The following EFNA5 variants were observed in gnomAD, a reference collection of about 807,000 sequenced individuals.
EFNA5 encodes ephrin A5.
A neutral mutation model predicts 22.9 loss-of-function variants in EFNA5; 5 were observed. The observed-to-expected ratio is 0.22, with a 90% CI of 0.11 to 0.46. EFNA5 has a LOEUF of 0.46. EFNA5 is among the 20% of genes least tolerant of loss of function. The pLI is 0.99. For synonymous variants in EFNA5, 113 were observed against 112.2 expected (o/e 1.01, Z -0.04); for missense variants, 237 against 293.3 (o/e 0.81, Z 1.40).
At chr5:107,389,869 C>G (rs959337146) in intron 2 of EFNA5, among the ~76,000 whole-genome samples, 1 of 152,208 alleles carries the variant, frequency 6.6e-6, no homozygotes, top group African/African-American at 2.4e-5. Context: ...CCTCTCTTCC[C>G]TAACAACCTG....
At chr5:107,387,643 C>A (rs1317522482) in intron 3 of EFNA5, 63 bp downstream of exon 3, 2 of 1,244,524 alleles carry the variant, frequency 1.6e-6, no homozygotes, top group African/African-American at 3.0e-5. Context: ...CGCCGTGAAC[C>A]AGACCACACA....
At chr5:107,501,768 C>T (rs1747142239) in intron 1 of EFNA5, among the ~76,000 whole-genome samples, 2 of 152,102 alleles carry the variant, frequency 1.3e-5, no homozygotes, top group Non-Finnish European at 2.9e-5. Context: ...CCTGAATTAA[C>T]GAATGCTGAT....
chr5:107,417,382 T>C (rs1748529714), intron 2 of EFNA5, among the ~76,000 whole-genome samples: 1 of 152,128 alleles, frequency 6.6e-6, no homozygotes, highest in Non-Finnish European at 1.5e-5. Flanking sequence ...ATACATAGCA[T>C]ACATATTAAA....
chr5:107,425,003 T>TA (rs1439454693), intron 2 of EFNA5, among the ~76,000 whole-genome samples: 1 of 152,102 alleles, frequency 6.6e-6, no homozygotes, highest in Non-Finnish European at 1.5e-5. Flanking sequence ...TACCTTTCAT[T>TA]AAAAAAAGTA....
intron 2 of EFNA5, among the ~76,000 whole-genome samples, chr5:107,401,784 T>G (rs908449142): frequency 3.9e-5 from 6 of 152,212 alleles, no homozygotes; most frequent in African/African-American, 1.4e-4. Flanking sequence ...GCCAAGCCAC[T>G]GGGTTCAGAT....
intron 2 of EFNA5, among the ~76,000 whole-genome samples, chr5:107,424,756 T>C (rs373993252): frequency 6.6e-6 from 1 of 152,152 alleles, no homozygotes; most frequent in East Asian, 1.9e-4. Flanking sequence ...AATTCTCCCC[T>C]AAGAATCCTT....
At chr5:107,418,381 T>C (rs1216533138) in intron 2 of EFNA5, among the ~76,000 whole-genome samples, 2 of 152,244 alleles carry the variant, frequency 1.3e-5, no homozygotes, top group African/African-American at 4.8e-5. Context: ...TGAGAATTAC[T>C]GCTTCCCTGT....
At chr5:107,520,102 A>G (rs920287418) in intron 1 of EFNA5, among the ~76,000 whole-genome samples, 3 of 152,224 alleles carry the variant, frequency 2.0e-5, no homozygotes, top group Admixed American at 2.0e-4. Context: ...AACACGAAAG[A>G]CAGATGTGAA....
rs1750204569 is a variant in EFNA5, at chr5:107,473,689, C to CAAAA, written c.126-46181_126-46180insTTTT. On this transcript the variant is annotated intron_variant, in intron 1 of 4. Coordinates refer to ENST00000333274, the MANE Select transcript of EFNA5 (RefSeq NM_001962.3). ...TTTTTTTTTTTTTGAGACAGAGTTTCGCTCTTGTTGCCCAAGCTGGAGTGC... is the reference window on the plus strand; with the variant it reads ...TTTTTTTTTTTTTGAGACAGAGTTTCAAAAGCTCTTGTTGCCCAAGCTGGAGTGC... Among the ~76,000 whole-genome samples, 9 of 141,320 alleles carry CAAAA rather than the reference C, an allele frequency of 6.4e-5. No individual in the cohort carries two copies. The Admixed American group carries it at 6.7e-4, about 11-fold the overall frequency. The allele number at this position is 141,320 out of a possible 152,430, so 92.7% of individuals were successfully genotyped here. A position where few individuals can be genotyped will look rare whatever the true frequency, so the allele number is the denominator to read the frequency against.
intron 2 of EFNA5, among the ~76,000 whole-genome samples, chr5:107,420,676 A>G (rs1312679017): frequency 6.6e-6 from 1 of 152,128 alleles, no homozygotes; most frequent in Non-Finnish European, 1.5e-5. Context: ...AGGGTGCAGT[A>G]AAACTTGAGC....
chr5:107,411,732 C>T (rs1238475114), intron 2 of EFNA5, among the ~76,000 whole-genome samples: 3 of 152,188 alleles, frequency 2.0e-5, no homozygotes, highest in South Asian at 4.1e-4. Context: ...CAACTATAGG[C>T]ATGGCCATCA....
At chr5:107,469,700 C>T (rs1029781478) in intron 1 of EFNA5, among the ~76,000 whole-genome samples, 3 of 151,922 alleles carry the variant, frequency 2.0e-5, no homozygotes, top group African/African-American at 7.3e-5. Context: ...GTTTCCACAT[C>T]ACAAGAATCC....
chr5:107,602,557 T>C (rs1014134068), intron 1 of EFNA5, among the ~76,000 whole-genome samples: 1 of 152,188 alleles, frequency 6.6e-6, no homozygotes. Context: ...AACAGCAGTT[T>C]CAGAGCCCTT....
intron 4 of EFNA5, among the ~76,000 whole-genome samples, chr5:107,385,419 T>G (rs1747588299): frequency 6.6e-6 from 1 of 152,208 alleles, no homozygotes; most frequent in African/African-American, 2.4e-5. Context: ...AAGATATGCC[T>G]ACATTCTGCA....
At chr5:107,437,273 T>C (rs1177994424) in intron 1 of EFNA5, among the ~76,000 whole-genome samples, 1 of 152,194 alleles carries the variant, frequency 6.6e-6, no homozygotes, top group East Asian at 1.9e-4. Context: ...ATGATAATAA[T>C]AATAATGTTT....
At chr5:107,585,651 A>G (rs773614091) in intron 1 of EFNA5, among the ~76,000 whole-genome samples, 19 of 152,228 alleles carry the variant, frequency 1.2e-4, no homozygotes, top group Non-Finnish European at 2.1e-4. Flanking sequence ...AGGTGAAGGT[A>G]ACTACAAGAA....
intron 1 of EFNA5, among the ~76,000 whole-genome samples, chr5:107,654,028 A>T (rs147560666): frequency 6.6e-6 from 1 of 152,140 alleles, no homozygotes; most frequent in South Asian, 2.1e-4. Context: ...AACCCCATGA[A>T]TTAAGAGTAT....
intron 1 of EFNA5, among the ~76,000 whole-genome samples, chr5:107,536,793 T>G (rs2112456450): frequency 6.6e-6 from 1 of 152,264 alleles, no homozygotes; most frequent in Admixed American, 6.5e-5. Flanking sequence ...CTCAGGAAAC[T>G]TATACTCAAT....
intron 1 of EFNA5, among the ~76,000 whole-genome samples, chr5:107,550,339 T>C (rs998919396): frequency 3.9e-5 from 6 of 152,226 alleles, no homozygotes; most frequent in African/African-American, 1.4e-4. Context: ...TAAATTGTCA[T>C]TGATATAATC....
Sources: allele counts gnomAD v4.1 joint callset (sites outside exome capture counted in the v4.1 genomes callset), GRCh38; gene constraint gnomAD v4.1.1; transcripts MANE v1.5; gene names NCBI Gene and HGNC (gene_info 2026-07-23, HGNC 2026-07-21).